The following TAF1 variants were observed in gnomAD, a reference collection of about 807,000 sequenced individuals.
TAF1 encodes the protein transcription initiation factor TFIID subunit 1.
Under a neutral mutation model 138.5 loss-of-function variants are expected in TAF1, and 2 were observed. That is an observed-to-expected ratio of 0.01 (90% CI 0.01 to 0.05). The LOEUF (loss-of-function observed/expected upper bound fraction) is 0.05. TAF1 is among the 10% of genes least tolerant of loss of function. TAF1 has a pLI of 1.00. For missense variants in TAF1, 709 were observed against 1,478.0 expected (o/e 0.48, Z 8.53); for synonymous variants, 437 against 503.2 (o/e 0.87, Z 1.76).
chrX:71,435,280 C>T (rs931967419), intron 32 of TAF1, among the ~76,000 whole-genome samples: 8 of 112,326 alleles, frequency 7.1e-5, no homozygotes, highest in African/African-American at 2.6e-4. Context: ...TTGAGTATCT[C>T]CCAACCTTTT....
chrX:71,523,701 T>C (rs1372386837), intron 13 of TAF1, among the ~76,000 whole-genome samples: 1 of 111,797 alleles, frequency 8.9e-6, no homozygotes, highest in Non-Finnish European at 1.9e-5. Context: ...CTTAAACACA[T>C]AGTATCATAA....
chrX:71,420,957 C>T (rs1189510276), intron 28 of TAF1, among the ~76,000 whole-genome samples: 1 of 112,952 alleles, frequency 8.9e-6, no homozygotes, highest in Non-Finnish European at 1.9e-5. Context: ...GCCTGACCGC[C>T]TGCAGCCCCA....
At chrX:71,511,340 A>T (rs1439152711) in intron 13 of TAF1, among the ~76,000 whole-genome samples, 1 of 112,224 alleles carries the variant, frequency 8.9e-6, no homozygotes, top group Non-Finnish European at 1.9e-5. Flanking sequence ...GGCCAGGACC[A>T]CTGGATCACT....
intron 25 of TAF1, among the ~76,000 whole-genome samples, chrX:71,402,452 T>C (rs1273589188): frequency 3.6e-5 from 4 of 111,774 alleles, no homozygotes; most frequent in Non-Finnish European, 7.5e-5. Context: ...TTCGCCATGC[T>C]GGTCTCAAAC....
chrX:71,379,822 G>A (rs1235536552), intron 8 of TAF1, among the ~76,000 whole-genome samples: 4 of 109,392 alleles, frequency 3.7e-5, no homozygotes, highest in African/African-American at 6.7e-5. Context: ...GGCTGGTCTC[G>A]AACTCCCGAC....
At chrX:71,386,657 G>T (rs2034248657) in intron 14 of TAF1, among the ~76,000 whole-genome samples, 1 of 112,424 alleles carries the variant, frequency 8.9e-6, no homozygotes, top group South Asian at 3.6e-4. Context: ...TAGAGATGGG[G>T]TTTTGTCATG....
At chrX:71,477,705 CTT>C (rs1265456807) in intron 13 of TAF1, among the ~76,000 whole-genome samples, 1 of 112,067 alleles carries the variant, frequency 8.9e-6, no homozygotes, top group African/African-American at 3.2e-5. Context: ...AAAATATAAA[CTT>C]TTGAAGCCGG....
At chrX:71,366,566 GGA>G in intron 1 of TAF1, 72 bp downstream of exon 1, 1 of 1,016,166 alleles carries the variant, frequency 9.8e-7, no homozygotes, top group Non-Finnish European at 1.3e-6. Context: ...GGGGAGGAAA[GGA>G]GAGGGTGCTC....
chrX:71,443,484 A>G (rs895205735), intron 32 of TAF1, among the ~76,000 whole-genome samples: 1 of 111,234 alleles, frequency 9.0e-6, no homozygotes, highest in African/African-American at 3.3e-5. Flanking sequence ...GTGTATAGGA[A>G]TGCTTGTGAT....
chrX:71,398,574 G>A lies in TAF1; in HGVS notation c.3623G>A (p.Arg1208Gln). 1 of 1,210,576 alleles carries A rather than the reference G, an allele frequency of 8.3e-7. No individual in the cohort carries two copies. The highest frequency in any genetic ancestry group is 1.1e-6 in the Non-Finnish European group (1 of 895,164). ...IRTTKDEEFI[R>Q]KFALFDEQHR... ...CCTCTGCTGCTCACACTGTTCAGTC[G>A]AAAATTTGCCCTTTTTGATGAACAA... Residue 1208 changes from arginine to glutamine, a missense_variant and splice_region_variant, in exon 24 of 38, where the codon CGA (arginine) becomes CAA (glutamine). Transcript: ENST00000423759.
In TAF1 at chrX:71,393,563, A is replaced by G. The variant is rs1438942167; in HGVS notation, c.3227+87A>G. 3.7e-6 allele frequency: 4 copies of G among 1,075,003 alleles called. No individual in the cohort carries two copies. In the East Asian group the frequency reaches 9.4e-5, roughly 25 times the overall value. 88.6% of individuals were successfully genotyped at this position (1,075,003 alleles called of 1,213,427 possible). On this transcript the variant is annotated intron_variant, in intron 21 of 37. Transcript: ENST00000423759. ...TTTCATAATAAAGAGGAGGTCACCT[A>G]AAAGTTTGACTACCTAGGTAGTCAG...
intron 25 of TAF1, among the ~76,000 whole-genome samples, chrX:71,404,887 A>T (rs1413505158): frequency 9.3e-6 from 1 of 107,636 alleles, no homozygotes; most frequent in Non-Finnish European, 1.9e-5. Context: ...TAGGTTCAAG[A>T]TGGTTTTTGT....
At chrX:71,372,744 C>T (rs1039158797) in intron 3 of TAF1, among the ~76,000 whole-genome samples, 3 of 111,769 alleles carry the variant, frequency 2.7e-5, no homozygotes, top group African/African-American at 6.5e-5. Context: ...ACTTAAAATT[C>T]AGTCTCTTCC....
At chrX:71,499,023 G>A (rs920035833) in intron 13 of TAF1, among the ~76,000 whole-genome samples, 5 of 111,512 alleles carry the variant, frequency 4.5e-5, no homozygotes, top group Admixed American at 9.6e-5. Context: ...ATGAGCTGGC[G>A]TTTGCCCCAG....
In TAF1 at chrX:71,377,154, G is replaced by A. The variant is rs755308739; in HGVS notation, c.677G>A (p.Ser226Asn). 7 of 1,211,643 alleles carry A rather than the reference G, an allele frequency of 5.8e-6. No homozygotes were observed. The East Asian group carries it at 1.8e-4, about 31-fold the overall frequency. Reference protein sequence around the residue: ...MQHDATKLLPSVTELFPEFRP... With the variant: ...MQHDATKLLPNVTELFPEFRP... The stretch of plus-strand genomic sequence containing the variant: ...CATGATGCCACCAAGCTGTTGCCAA[G>A]TGTCACAGAACTTTTTCCAGAATTT... Residue 226 changes from serine (S) to asparagine (N), a missense_variant, in exon 5 of 38, where the codon AGT becomes AAT. Ser to Asn is a conservative substitution (Grantham distance 46, BLOSUM62 1). Around this residue, in one of 14 missense-constraint regions of TAF1, gnomAD observed 16 missense variants for 42.1 expected, o/e 0.38. Transcript: ENST00000423759.
At chrX:71,404,619 G>T (rs981803681) in intron 25 of TAF1, among the ~76,000 whole-genome samples, 1 of 111,713 alleles carries the variant, frequency 9.0e-6, no homozygotes, top group East Asian at 2.8e-4. Context: ...TTATAGACAT[G>T]AGCTACCACG....
At chrX:71,520,358 T>C (rs961509656) in intron 13 of TAF1, among the ~76,000 whole-genome samples, 8 of 109,770 alleles carry the variant, frequency 7.3e-5, no homozygotes, top group African/African-American at 1.3e-4. Context: ...GATGTAGCAT[T>C]AACAGAGAGA....
At chrX:71,391,063 C>T (rs1356963568) in intron 18 of TAF1, among the ~76,000 whole-genome samples, 1 of 110,494 alleles carries the variant, frequency 9.1e-6, no homozygotes, top group Admixed American at 9.7e-5. Context: ...AACTCCTAGG[C>T]TCAAACGATC....
At chrX:71,476,485 CA>C in intron 13 of TAF1, among the ~76,000 whole-genome samples, 1 of 109,434 alleles carries the variant, frequency 9.1e-6, no homozygotes, top group Non-Finnish European at 1.9e-5. Flanking sequence ...AAAACACATA[CA>C]AAAAAATTTA....
Sources: gnomAD v4.1 joint callset for allele counts (sites outside exome capture counted in the v4.1 genomes callset) on GRCh38, gnomAD v4.1.1 for gene constraint, gnomAD v4.1.1 regional missense constraint, MANE v1.5 for transcripts, NCBI Gene and HGNC (gene_info 2026-07-23, HGNC 2026-07-21) for gene names.